TENM3: variants seen among roughly 807,000 people sequenced by gnomAD.
TENM3 encodes teneurin-3.
TENM3 carries 63 observed loss-of-function variants against 255.1 expected under a neutral mutation model. The ratio of observed to expected loss-of-function variants is 0.25; its 90% CI spans 0.20 to 0.30. TENM3 has a LOEUF of 0.30. TENM3 is among the 10% of genes least tolerant of loss of function. The pLI is 1.00. For missense variants in TENM3, 2,929 were observed against 3,461.1 expected (o/e 0.85, Z 3.86); for synonymous variants, 1,306 against 1,322.3 (o/e 0.99, Z 0.27).
At chr4:182,625,491 C>G (rs188198062) in intron 4 of TENM3, among the ~76,000 whole-genome samples, 37 of 152,288 alleles carry the variant, frequency 2.4e-4, no homozygotes, top group Admixed American at 1.2e-3. Context: ...TCCCCACCCC[C>G]CTATTCCTGG....
At chr4:182,165,486 C>A (rs13143453) in intron 1 of TENM3, among the ~76,000 whole-genome samples, 2 of 152,170 alleles carry the variant, frequency 1.3e-5, no homozygotes, top group Non-Finnish European at 2.9e-5. Context: ...CACGTTCCGT[C>A]GTGTTCCTGA....
At chr4:181,702,197 C>T in the TENM3 span, among the ~76,000 whole-genome samples, 34 of 152,292 alleles carry the variant, frequency 2.2e-4, 1 homozygote, top group South Asian at 5.8e-3. Flanking sequence ...CTATGGACAA[C>T]GTTCTGAGGC....
chr4:181,641,701 A>ATATATATAT, the TENM3 span, among the ~76,000 whole-genome samples: 6 of 98,494 alleles, frequency 6.1e-5, no homozygotes, highest in South Asian at 3.0e-4. Context: ...AATGTATAAT[A>ATATATATAT]TATATATTAT....
chr4:181,633,876 C>G, the TENM3 span, among the ~76,000 whole-genome samples: 1 of 152,216 alleles, frequency 6.6e-6, no homozygotes, highest in African/African-American at 2.4e-5. Context: ...AGGCAACAAA[C>G]TAATGTTCTT....
At chr4:182,616,051 C>T (rs972852510) in intron 4 of TENM3, among the ~76,000 whole-genome samples, 27 of 152,198 alleles carry the variant, frequency 1.8e-4, no homozygotes, top group African/African-American at 5.8e-4. Context: ...TTGTAACAAG[C>T]CCGCCAGGTT....
At chr4:181,525,409 A>G in the TENM3 span, among the ~76,000 whole-genome samples, 1 of 151,696 alleles carries the variant, frequency 6.6e-6, no homozygotes, top group Non-Finnish European at 1.5e-5. Flanking sequence ...AAAAAAAAAA[A>G]AAAAAAAAGG....
the TENM3 span, among the ~76,000 whole-genome samples, chr4:181,875,045 G>T: frequency 6.6e-6 from 1 of 152,160 alleles, no homozygotes; most frequent in Non-Finnish European, 1.5e-5. Context: ...ATGTGTTGAC[G>T]TGCTTCTGCT....
the TENM3 span, among the ~76,000 whole-genome samples, chr4:181,933,965 C>A: frequency 2.6e-5 from 4 of 151,924 alleles, no homozygotes; most frequent in Non-Finnish European, 4.4e-5. Context: ...ATGCTCAAAT[C>A]AGTTATTAGG....
At chr4:182,448,986 G>A in intron 3 of TENM3, 1 of 399,342 alleles carries the variant, frequency 2.5e-6, no homozygotes, top group Non-Finnish European at 5.0e-6. Flanking sequence ...GCCCGAGCCC[G>A]GAGCCAGGCG....
intron 3 of TENM3, among the ~76,000 whole-genome samples, chr4:182,402,609 T>C (rs1769283401): frequency 6.6e-6 from 1 of 152,222 alleles, no homozygotes; most frequent in African/African-American, 2.4e-5. Context: ...TTCTCTTCTT[T>C]TTTTAGGAGG....
chr4:182,541,931 C>T (rs774490741), intron 3 of TENM3, among the ~76,000 whole-genome samples: 1 of 151,912 alleles, frequency 6.6e-6, no homozygotes, highest in Non-Finnish European at 1.5e-5. Flanking sequence ...GGCGTAGTGG[C>T]GCACACCTGT....
At chr4:182,777,562 T>C (rs1437995354) in intron 24 of TENM3, among the ~76,000 whole-genome samples, 3 of 126,096 alleles carry the variant, frequency 2.4e-5, no homozygotes, top group Non-Finnish European at 5.0e-5. Context: ...TTTTTTTTTT[T>C]TTTTTTTTTT....
chr4:181,497,256 A>G, the TENM3 span, among the ~76,000 whole-genome samples: 1 of 152,152 alleles, frequency 6.6e-6, no homozygotes, highest in African/African-American at 2.4e-5. Context: ...TGACCTGGGA[A>G]TCATTATATT....
the TENM3 span, among the ~76,000 whole-genome samples, chr4:181,840,249 T>C: frequency 1.3e-5 from 2 of 152,160 alleles, no homozygotes; most frequent in Non-Finnish European, 2.9e-5. Context: ...CTTGATTTTT[T>C]CTTTTTGACT....
At chr4:182,400,245 T>A (rs903703577) in intron 3 of TENM3, among the ~76,000 whole-genome samples, 4 of 152,200 alleles carry the variant, frequency 2.6e-5, no homozygotes, top group African/African-American at 9.6e-5. Context: ...TATTTTTCCT[T>A]TTCTTTGGAT....
the TENM3 span, among the ~76,000 whole-genome samples, chr4:181,713,209 A>G: frequency 6.6e-6 from 1 of 152,216 alleles, no homozygotes; most frequent in Non-Finnish European, 1.5e-5. Context: ...CTGCTCGAAG[A>G]GTCACTTTCC....
At chr4:182,120,091 GCGCGCACACACACACACA>G in the TENM3 span, among the ~76,000 whole-genome samples, 1 of 58,320 alleles carries the variant, frequency 1.7e-5, no homozygotes, top group Non-Finnish European at 5.5e-5. Flanking sequence ...ATGCGTGCGT[GCGCGCACACACACACACA>G]CACACACACA....
At position 182,624,311 on chromosome 4, in the gene TENM3, G is replaced by A. The variant is rs1750615123; in HGVS notation, c.750-4340G>A. 1.3e-5 allele frequency among the ~76,000 whole-genome samples: 2 copies of A among 152,158 alleles called. 1 individual carries two copies. Among genetic ancestry groups the A allele is most frequent in the South Asian group, 4.1e-4 (2 of 4,826 alleles). ...CACTTTCCCCCAGAGGGTTTTCATGGGACCAAAGACTAAGGTAAGGGACTA... is the reference window on the plus strand; with the variant it reads ...CACTTTCCCCCAGAGGGTTTTCATGAGACCAAAGACTAAGGTAAGGGACTA... On this transcript the variant is annotated intron_variant, in intron 4 of 27. Transcript: ENST00000511685.
intron 1 of TENM3, among the ~76,000 whole-genome samples, chr4:182,232,151 C>T (rs1284170988): frequency 6.6e-6 from 1 of 152,120 alleles, no homozygotes; most frequent in Admixed American, 6.5e-5. Context: ...AATGTCTATT[C>T]CGGGAACTGG....
Sources: gnomAD v4.1 joint callset for allele counts (sites outside exome capture counted in the v4.1 genomes callset) on GRCh38, gnomAD v4.1.1 for gene constraint, MANE v1.5 for transcripts, NCBI Gene and HGNC (gene_info 2026-07-23, HGNC 2026-07-21) for gene names.